RBFOX1: variants seen among roughly 807,000 people sequenced by gnomAD.
RBFOX1 encodes the protein RNA binding protein fox-1 homolog 1.
RBFOX1 carries 8 observed loss-of-function variants against 57.7 expected under a neutral mutation model. That is an observed-to-expected ratio of 0.14 (90% CI 0.08 to 0.25). The LOEUF is 0.25. RBFOX1 is among the 10% of genes least tolerant of loss of function. The pLI is 1.00. For synonymous variants in RBFOX1, 326 were observed against 222.4 expected (o/e 1.47, Z -4.15); for missense variants, 611 against 548.5 (o/e 1.11, Z -1.14).
chr16:5,743,604 T>A (rs1163784296), intron 3 of RBFOX1, among the ~76,000 whole-genome samples: 2 of 152,252 alleles, frequency 1.3e-5, no homozygotes, highest in Non-Finnish European at 2.9e-5. Flanking sequence ...CCTGTTTGCT[T>A]GTTTTAATGT....
chr16:7,639,629 C>G (rs187280596), intron 11 of RBFOX1, among the ~76,000 whole-genome samples: 9 of 152,222 alleles, frequency 5.9e-5, no homozygotes, highest in Admixed American at 2.0e-4. Context: ...TTCAGAATTT[C>G]AAACGCAGTG....
chr16:5,241,984 G>A (rs1283492593), intron 1 of RBFOX1, among the ~76,000 whole-genome samples: 1 of 152,054 alleles, frequency 6.6e-6, no homozygotes, highest in Non-Finnish European at 1.5e-5. Context: ...GTATGGTGGT[G>A]TGTGCCTGCA....
At chr16:6,916,644 G>A (rs564796682) in intron 3 of RBFOX1, among the ~76,000 whole-genome samples, 1 of 152,184 alleles carries the variant, frequency 6.6e-6, no homozygotes, top group South Asian at 2.1e-4. Flanking sequence ...TGTTTTTCTG[G>A]ATGGTCATCA....
intron 2 of RBFOX1, among the ~76,000 whole-genome samples, chr16:6,588,230 G>C (rs1300759873): frequency 6.6e-6 from 1 of 150,380 alleles, no homozygotes; most frequent in Non-Finnish European, 1.5e-5. Context: ...ACTGTGTCTC[G>C]GGAAAAAAAA....
intron 1 of RBFOX1, among the ~76,000 whole-genome samples, chr16:5,416,789 C>T (rs563892094): frequency 1.3e-5 from 2 of 152,114 alleles, no homozygotes; most frequent in East Asian, 3.9e-4. Context: ...AGGAACAAAG[C>T]AATTTGCTTT....
At chr16:5,662,052 C>A (rs569243799) in intron 3 of RBFOX1, among the ~76,000 whole-genome samples, 1 of 152,118 alleles carries the variant, frequency 6.6e-6, no homozygotes, top group Non-Finnish European at 1.5e-5. Context: ...TCCCAAAGTG[C>A]TGGGATTACA....
intron 3 of RBFOX1, among the ~76,000 whole-genome samples, chr16:6,788,248 A>T (rs180910780): frequency 3.3e-5 from 5 of 151,982 alleles, no homozygotes. Context: ...AAATAAGCCA[A>T]TGAGGTCTGC....
At chr16:7,087,011 G>A (rs1461972007) in intron 4 of RBFOX1, among the ~76,000 whole-genome samples, 2 of 152,136 alleles carry the variant, frequency 1.3e-5, no homozygotes, top group Admixed American at 6.5e-5. Flanking sequence ...GGGCAGGACC[G>A]CAGCCTCTGA....
intron 1 of RBFOX1, among the ~76,000 whole-genome samples, chr16:6,232,469 G>A (rs2097470796): frequency 6.6e-6 from 1 of 152,172 alleles, no homozygotes; most frequent in Non-Finnish European, 1.5e-5. Flanking sequence ...GGATCCTGGT[G>A]ATTTTACAAC....
At chr16:5,534,236 C>T (rs1341660573) in intron 2 of RBFOX1, among the ~76,000 whole-genome samples, 3 of 152,054 alleles carry the variant, frequency 2.0e-5, no homozygotes, top group African/African-American at 7.2e-5. Context: ...TTGTCATCTA[C>T]CAAGTCATAT....
At chr16:6,766,205 C>G (rs532412442) in intron 3 of RBFOX1, among the ~76,000 whole-genome samples, 2 of 151,888 alleles carry the variant, frequency 1.3e-5, no homozygotes, top group East Asian at 3.9e-4. Flanking sequence ...GAATAAGAGC[C>G]CTTCAGTCCA....
intron 3 of RBFOX1, among the ~76,000 whole-genome samples, chr16:6,906,798 C>G (rs973182497): frequency 2.0e-5 from 3 of 151,190 alleles, no homozygotes; most frequent in Admixed American, 2.0e-4. Flanking sequence ...TTTCAGCTCA[C>G]TGCAACCTCT....
At chr16:6,238,264 A>T (rs2097522045) in intron 1 of RBFOX1, among the ~76,000 whole-genome samples, 1 of 152,168 alleles carries the variant, frequency 6.6e-6, no homozygotes, top group East Asian at 1.9e-4. Flanking sequence ...ATTATAATGA[A>T]GGTTTTTAAC....
At chr16:6,986,815 G>C (rs1169027258) in intron 3 of RBFOX1, among the ~76,000 whole-genome samples, 1 of 152,100 alleles carries the variant, frequency 6.6e-6, no homozygotes, top group East Asian at 1.9e-4. Context: ...CTGTAGGGCA[G>C]GTGCCTGTAT....
chr16:6,557,676 T>G (rs1050622786), intron 2 of RBFOX1, among the ~76,000 whole-genome samples: 1 of 152,210 alleles, frequency 6.6e-6, no homozygotes, highest in Non-Finnish European at 1.5e-5. Context: ...AATGCTCCTT[T>G]CGACCAAGTA....
At chr16:5,481,141 C>T (rs1195215343) in intron 2 of RBFOX1, among the ~76,000 whole-genome samples, 3 of 152,210 alleles carry the variant, frequency 2.0e-5, no homozygotes, top group Admixed American at 1.3e-4. Context: ...GATTGATCTT[C>T]ACAACCTCTG....
At chr16:7,528,691 A>G (rs1263267792) in intron 5 of RBFOX1, among the ~76,000 whole-genome samples, 1 of 152,000 alleles carries the variant, frequency 6.6e-6, no homozygotes, top group Admixed American at 6.6e-5. Context: ...GCATTAATCT[A>G]TTTTGTGGGC....
intron 4 of RBFOX1, among the ~76,000 whole-genome samples, chr16:7,078,587 A>G (rs2058662885): frequency 6.6e-6 from 1 of 151,772 alleles, no homozygotes. Context: ...GCCTCAAGTG[A>G]TCCACCCACT....
chr16:5,998,186 G>C (rs2060522912), intron 4 of RBFOX1, among the ~76,000 whole-genome samples: 1 of 152,130 alleles, frequency 6.6e-6, no homozygotes, highest in Non-Finnish European at 1.5e-5. Flanking sequence ...CATTTGTTTT[G>C]TTCTGGGGAA....
Sources: gnomAD v4.1 joint callset for allele counts (sites outside exome capture counted in the v4.1 genomes callset) on GRCh38, gnomAD v4.1.1 for gene constraint, MANE v1.5 for transcripts, NCBI Gene and HGNC (gene_info 2026-07-23, HGNC 2026-07-21) for gene names.